The following UTRN variants were observed in gnomAD, a reference collection of about 807,000 sequenced individuals.
UTRN encodes utrophin.
UTRN carries 283 observed loss-of-function variants against 463.9 expected under a neutral mutation model. That is an observed-to-expected ratio of 0.61 (90% confidence interval 0.55 to 0.67). UTRN has a LOEUF of 0.67. Among genes scored for constraint, UTRN ranks in the 30% least tolerant of loss-of-function variants. The pLI, the probability that UTRN is intolerant of heterozygous loss-of-function variation, is 0.00. For synonymous variants in UTRN, 1,442 were observed against 1,431.5 expected, an observed-to-expected ratio of 1.01 and a Z score of -0.17; for missense variants, 3,922 against 4,084.3, an observed-to-expected ratio of 0.96 and a Z score of 1.08.
intron 64 of UTRN, chr6:144,799,614 T>A (rs1371117455): frequency 4.8e-6 from 2 of 417,588 alleles, no homozygotes; most frequent in Non-Finnish European, 1.0e-5. Context: ...AAATGAGAGA[T>A]GTAGTCATCA....
intron 45 of UTRN, among the ~76,000 whole-genome samples, chr6:144,541,680 G>A (rs181218250): frequency 6.7e-4 from 102 of 152,208 alleles, no homozygotes; most frequent in Non-Finnish European, 8.4e-4. Flanking sequence ...AAAGAGTGTG[G>A]CATTCCTTCT....
chr6:144,749,326 C>T (rs528482404), intron 55 of UTRN, among the ~76,000 whole-genome samples: 165 of 152,132 alleles, frequency 1.1e-3, no homozygotes, highest in Middle Eastern at 3.4e-3. Flanking sequence ...AACTGGAAAA[C>T]GAAATCCTTG....
At chr6:144,553,630 T>C (rs1799118977) in intron 48 of UTRN, among the ~76,000 whole-genome samples, 1 of 152,138 alleles carries the variant, frequency 6.6e-6, no homozygotes, top group African/African-American at 2.4e-5. Context: ...AAAATTTAAG[T>C]TTCCAGCCGG....
intron 58 of UTRN, among the ~76,000 whole-genome samples, chr6:144,765,520 C>T (rs1793202835): frequency 6.6e-6 from 1 of 152,106 alleles, no homozygotes. Context: ...CTCAAGTGAA[C>T]CTCCTGCCTC....
intron 2 of UTRN, among the ~76,000 whole-genome samples, chr6:144,363,744 A>T (rs961111480): frequency 6.6e-6 from 1 of 151,930 alleles, no homozygotes; most frequent in Non-Finnish European, 1.5e-5. Flanking sequence ...CTGGGAGAGA[A>T]ACCATCTAAA....
At chr6:144,534,508 A>G (rs541241922) in intron 43 of UTRN, among the ~76,000 whole-genome samples, 1 of 152,366 alleles carries the variant, frequency 6.6e-6, no homozygotes, top group Non-Finnish European at 1.5e-5. Context: ...GACTGTCATG[A>G]GGATTAAATG....
Position 144,789,198 on chromosome 6 carries a change from C to T in UTRN, c.8839C>T (p.Arg2947Ter), listed in dbSNP as rs757056942. 2.5e-6 allele frequency: 4 copies of T among 1,612,044 alleles called. No individual in the cohort carries two copies. Among genetic ancestry groups the T allele is most frequent in the Non-Finnish European group, 2.5e-6 (3 of 1,179,180 alleles). Residue 2947 changes from arginine to a stop codon, truncating the protein, a stop_gained, in exon 62 of 75, where the codon CGA (arginine) becomes TGA (stop). Coordinates refer to ENST00000367545, the MANE Select transcript of UTRN (RefSeq NM_007124.3). LOFTEE classifies it high-confidence loss of function. ...TTAACATTCTTATAATTTTAGGGGT[C>T]GAACTGGAAAAATTAGAGTGCAGAG... ...NWLLNVYDTG[R>*]TGKIRVQSLK...
At chr6:144,686,043 G>A (rs1023070355) in intron 52 of UTRN, among the ~76,000 whole-genome samples, 2 of 152,104 alleles carry the variant, frequency 1.3e-5, no homozygotes, top group Non-Finnish European at 2.9e-5. Context: ...TTAGATTTAA[G>A]TCTTTAATCC....
intron 34 of UTRN, among the ~76,000 whole-genome samples, chr6:144,509,947 G>A (rs553057355): frequency 1.3e-5 from 2 of 152,016 alleles, no homozygotes; most frequent in African/African-American, 4.8e-5. Context: ...CATAGCTATT[G>A]GGTATCCTTT....
At chr6:144,523,858 A>G (rs1357270951) in intron 41 of UTRN, among the ~76,000 whole-genome samples, 2 of 152,220 alleles carry the variant, frequency 1.3e-5, no homozygotes, top group Non-Finnish European at 2.9e-5. Flanking sequence ...GAATCCATAT[A>G]TAGTACCAAA....
rs772273078 is a variant in UTRN, at chr6:144,513,997, T to G, written c.5033T>G (p.Ile1678Ser). The change falls in exon 36 of 75, where the codon ATT becomes AGT. Residue 1678 changes from isoleucine (I) to serine (S), a missense_variant. Ile to Ser is a moderately radical substitution (Grantham distance 142, BLOSUM62 -2). Coordinates refer to ENST00000367545, the MANE Select transcript of UTRN (RefSeq NM_007124.3). ...CAAGCTGAAGCTCTATTGGATGAAA[T>G]TGAAAAGAAACCAACAAGTAAACAG... ...LYQAEALLDE[I>S]EKKPTSKQEE... 6.2e-7 allele frequency: 1 copy of G among 1,613,802 alleles called. No individual in the cohort carries two copies. Among genetic ancestry groups the G allele is most frequent in the African/African-American group, 1.3e-5 (1 of 74,914 alleles).
intron 66 of UTRN, among the ~76,000 whole-genome samples, chr6:144,823,009 G>A (rs1050905885): frequency 6.6e-6 from 1 of 151,960 alleles, no homozygotes; most frequent in African/African-American, 2.4e-5. Context: ...GCCTTTCAAT[G>A]TCAAAATAAT....
At chr6:144,561,526 G>T (rs1172632575) in intron 50 of UTRN, among the ~76,000 whole-genome samples, 1 of 151,906 alleles carries the variant, frequency 6.6e-6, no homozygotes, top group Non-Finnish European at 1.5e-5. Context: ...TAATTACTCT[G>T]TGTTTTTCTC....
chr6:144,641,784 T>C (rs1000988700), intron 51 of UTRN, among the ~76,000 whole-genome samples: 13 of 151,440 alleles, frequency 8.6e-5, no homozygotes, highest in Non-Finnish European at 3.0e-5. Context: ...GAACTCGTTA[T>C]TAAGGAAAAA....
At chr6:144,346,182 A>AG (rs924857184) in intron 2 of UTRN, among the ~76,000 whole-genome samples, 1 of 149,486 alleles carries the variant, frequency 6.7e-6, no homozygotes, top group Admixed American at 6.6e-5. Context: ...TGTCTCAAAA[A>AG]AAAAAAAAAT....
chr6:144,464,175 A>C (rs886155759), intron 23 of UTRN, among the ~76,000 whole-genome samples: 1 of 152,210 alleles, frequency 6.6e-6, no homozygotes, highest in East Asian at 1.9e-4. Flanking sequence ...ATGTTTTGAA[A>C]ATCAAAGTCA....
Position 144,353,068 on chromosome 6 carries a change from G to A in UTRN, c.80-50055G>A, listed in dbSNP as rs1778248429. Among the ~76,000 whole-genome samples the A allele has an allele frequency of 2.0e-5, 3 of 151,962 alleles. No individual in the cohort carries two copies. In the South Asian group the frequency reaches 6.2e-4, roughly 32 times the overall value. On this transcript the variant is annotated intron_variant, in intron 2 of 74. Transcript: ENST00000367545. Reference sequence around the variant, plus strand: ...AGCAGTCCTCCCACCTCAGCCTCCTGAGTAGCTGGGATTACAGGCATGTGC... The same window carrying A: ...AGCAGTCCTCCCACCTCAGCCTCCTAAGTAGCTGGGATTACAGGCATGTGC...
chr6:144,473,606 A>G (rs998344273), intron 23 of UTRN, 114 bp from the exon 24 acceptor site: 1 of 610,766 alleles, frequency 1.6e-6, no homozygotes, highest in Non-Finnish European at 2.8e-6. Context: ...CATAAATGAA[A>G]GCGATGCTAT....
intron 2 of UTRN, among the ~76,000 whole-genome samples, chr6:144,380,041 G>C (rs1780774153): frequency 6.6e-6 from 1 of 152,114 alleles, no homozygotes; most frequent in South Asian, 2.1e-4. Context: ...TTTATTCTCT[G>C]AATGAATGAA....
Sources: allele counts gnomAD v4.1 joint callset (sites outside exome capture counted in the v4.1 genomes callset), GRCh38; gene constraint gnomAD v4.1.1; transcripts MANE v1.5; gene names NCBI Gene and HGNC (gene_info 2026-07-23, HGNC 2026-07-21).